The following ATP2B2 variants were observed in gnomAD, a reference collection of about 807,000 sequenced individuals.
The protein encoded by ATP2B2 is ATPase plasma membrane Ca2+ transporting 2, also known as plasma membrane calcium-transporting ATPase 2.
Under a neutral mutation model 120.0 loss-of-function variants are expected in ATP2B2, and 15 were observed. The observed-to-expected ratio is 0.12, with a 90% CI of 0.08 to 0.19. The LOEUF is 0.19. ATP2B2 is among the 10% of genes least tolerant of loss of function. The pLI is 1.00. For missense variants in ATP2B2, 1,045 were observed against 1,719.8 expected (o/e 0.61, Z 6.94); for synonymous variants, 694 against 700.3 (o/e 0.99, Z 0.14).
At chr3:10,443,937 C>A (rs1161224885) in intron 2 of ATP2B2, among the ~76,000 whole-genome samples, 3 of 152,206 alleles carry the variant, frequency 2.0e-5, no homozygotes, top group Non-Finnish European at 4.4e-5. Context: ...TGCCTGAGGT[C>A]TCCCACATAC....
chr3:10,692,655 T>C (rs2600071), intron 1 of ATP2B2, among the ~76,000 whole-genome samples: 134,877 of 152,222 alleles, frequency 0.89, 60,013 homozygotes, highest in African/African-American at 0.97. Flanking sequence ...CTCCAGGATG[T>C]GGGTTCCCGG....
chr3:10,347,626 C>T lies in ATP2B2; in HGVS notation c.2405-1489G>A, dbSNP rs2060465680. ...GTTCCACCGTCCTGGACTCAGCCTCCCCAAGCTTGTCCCCTTGGGACATTA... is the reference window on the plus strand; with the variant it reads ...GTTCCACCGTCCTGGACTCAGCCTCTCCAAGCTTGTCCCCTTGGGACATTA... On this transcript the variant is annotated intron_variant, in intron 16 of 22. Coordinates refer to ENST00000360273, the MANE Select transcript of ATP2B2 (RefSeq NM_001001331.4). This position sits in a 1 kb window ranked among gnomAD's most constrained non-coding sequence, Gnocchi z 5.2. Among the ~76,000 whole-genome samples the T allele has an allele frequency of 1.3e-5, 2 of 152,204 alleles. No individual in the cohort carries two copies. The highest frequency in any genetic ancestry group is 4.8e-5 in the African/African-American group (2 of 41,450).
intron 1 of ATP2B2, among the ~76,000 whole-genome samples, chr3:10,668,035 G>C (rs1028021419): frequency 6.6e-6 from 1 of 152,214 alleles, no homozygotes; most frequent in African/African-American, 2.4e-5. Context: ...GTGGCCACAG[G>C]GTGGCTGCTG....
chr3:10,471,219 C>G (rs34874), intron 1 of ATP2B2, among the ~76,000 whole-genome samples: 115,060 of 152,064 alleles, frequency 0.76, 44,546 homozygotes, highest in African/African-American at 0.92. Context: ...TGTGAGGGTG[C>G]GGGTGAAGGC....
chr3:10,433,434 G>A (rs2063383993), intron 2 of ATP2B2, among the ~76,000 whole-genome samples: 1 of 152,170 alleles, frequency 6.6e-6, no homozygotes, highest in Non-Finnish European at 1.5e-5. Context: ...ATACATCCCA[G>A]TGAGGAAAGA....
intron 2 of ATP2B2, among the ~76,000 whole-genome samples, chr3:10,447,953 C>T (rs1377013537): frequency 1.3e-5 from 2 of 152,202 alleles, no homozygotes; most frequent in Non-Finnish European, 2.9e-5. Flanking sequence ...GAAGAAGAAC[C>T]AGTTTTAGCT....
chr3:10,669,888 A>G (rs2125690494), intron 1 of ATP2B2, among the ~76,000 whole-genome samples: 1 of 152,324 alleles, frequency 6.6e-6, no homozygotes, highest in Middle Eastern at 3.4e-3. Flanking sequence ...GAGATGATTC[A>G]TTCACAAGGT....
intron 1 of ATP2B2, among the ~76,000 whole-genome samples, chr3:10,481,942 C>T (rs1459395417): frequency 1.3e-5 from 2 of 152,194 alleles, no homozygotes; most frequent in Admixed American, 1.3e-4. Flanking sequence ...ACTGTAAATC[C>T]ATGAGGGCAG....
chr3:10,609,738 C>A (rs1488433708), intron 2 of ATP2B2, among the ~76,000 whole-genome samples: 2 of 152,190 alleles, frequency 1.3e-5, no homozygotes, highest in Non-Finnish European at 2.9e-5. Flanking sequence ...GCAGCCCTCA[C>A]TGGTACTCTC....
intron 1 of ATP2B2, among the ~76,000 whole-genome samples, chr3:10,456,838 T>C (rs2064279171): frequency 6.6e-6 from 1 of 152,244 alleles, no homozygotes; most frequent in Admixed American, 6.5e-5. Flanking sequence ...TTGCAAATTC[T>C]GGCCTTTCTG....
intron 1 of ATP2B2, among the ~76,000 whole-genome samples, chr3:10,486,004 A>G (rs1379497385): frequency 6.6e-6 from 1 of 152,160 alleles, no homozygotes; most frequent in Non-Finnish European, 1.5e-5. Flanking sequence ...GTGGTAAGTG[A>G]GGACAGGAGG....
chr3:10,657,625 G>A lies in ATP2B2; in HGVS notation c.-459-37664C>T, dbSNP rs879044268. ...AAGCTTGAACTGGGTGGAGCCCACC[G>A]CAGCTCAAGGAGGCCTGCCTGCCTC... is the stretch of plus-strand genomic sequence containing the variant. On this transcript the variant is annotated intron_variant, in intron 1 of 21. Coordinates refer to the ATP2B2 transcript ENST00000646379. 7.2e-5 allele frequency among the ~76,000 whole-genome samples: 11 copies of A among 152,358 alleles called. No individual in the cohort carries two copies. The East Asian group carries it at 7.7e-4, about 11-fold the overall frequency.
At position 10,360,253 on chromosome 3, in the gene ATP2B2, C is replaced by A; in HGVS notation, c.1660-130G>T. The A allele has an allele frequency of 2.1e-6, 3 of 1,433,692 alleles. No homozygotes were observed. The South Asian group carries it at 4.4e-5, about 21-fold the overall frequency. 88.8% of individuals were successfully genotyped at this position (1,433,692 alleles called of 1,614,324 possible). On this transcript the variant is annotated intron_variant, in intron 12 of 22. Transcript: ENST00000360273. The stretch of plus-strand genomic sequence containing the variant: ...GGCTGGGGGCTGAGCCCTCAGGGAG[C>A]CCTTGGCCCATCCCCTGCACCCTCA...
intron 2 of ATP2B2, among the ~76,000 whole-genome samples, chr3:10,424,032 G>T (rs2063072925): frequency 6.6e-6 from 1 of 152,194 alleles, no homozygotes; most frequent in Non-Finnish European, 1.5e-5. Flanking sequence ...ACTGTTCTGT[G>T]ATCTCAAGTG....
chr3:10,581,190 T>G (rs1194416968), intron 2 of ATP2B2, among the ~76,000 whole-genome samples: 1 of 152,214 alleles, frequency 6.6e-6, no homozygotes, highest in Non-Finnish European at 1.5e-5. Flanking sequence ...CCCCACATTC[T>G]GCAACAGATT....
intron 2 of ATP2B2, among the ~76,000 whole-genome samples, chr3:10,423,297 C>T (rs1461392766): frequency 6.6e-6 from 1 of 152,224 alleles, no homozygotes; most frequent in Non-Finnish European, 1.5e-5. Context: ...TGGCCAGCCT[C>T]TCTTACCCTC....
intron 1 of ATP2B2, among the ~76,000 whole-genome samples, chr3:10,490,455 G>A (rs2065893677): frequency 6.7e-6 from 1 of 150,068 alleles, no homozygotes; most frequent in Non-Finnish European, 1.5e-5. Flanking sequence ...ACAGGCTGGA[G>A]AGCAGTGATG....
chr3:10,328,553 GC>G lies in ATP2B2; in HGVS notation c.*260del. 2.2e-6 allele frequency: 1 copy of G among 460,096 alleles called. No individual in the cohort carries two copies. Among genetic ancestry groups the G allele is most frequent in the Non-Finnish European group, 3.9e-6 (1 of 257,514 alleles). 28.5% of individuals were successfully genotyped at this position (460,096 alleles called of 1,614,324 possible). A position where few individuals can be genotyped will look rare whatever the true frequency, so the allele number is the denominator to read the frequency against. ...CATGTCTGGGTGGGAGCCAGGAAGG[GC>G]TTGTTTTGGGAAAACCGCTCACTCC... On this transcript the variant is annotated 3_prime_UTR_variant, in exon 23 of 23. Coordinates refer to ENST00000360273, the MANE Select transcript of ATP2B2 (RefSeq NM_001001331.4).
chr3:10,610,382 C>G (rs1334480342), intron 2 of ATP2B2, among the ~76,000 whole-genome samples: 3 of 151,888 alleles, frequency 2.0e-5, no homozygotes, highest in Non-Finnish European at 4.4e-5. Flanking sequence ...AATTTTTGAG[C>G]CCCTTTCAAA....
Sources: gnomAD v4.1 joint callset for allele counts (sites outside exome capture counted in the v4.1 genomes callset) on GRCh38, gnomAD v4.1.1 for gene constraint, Gnocchi (gnomAD v3.1) non-coding constraint, MANE v1.5 for transcripts, NCBI Gene and HGNC (gene_info 2026-07-23, HGNC 2026-07-21) for gene names.